Variants in DELE1 observed in about 807,000 individuals in gnomAD.
DELE1 encodes the protein death ligand signal enhancer.
A neutral mutation model predicts 59.3 loss-of-function variants in DELE1; 54 were observed. The observed-to-expected ratio is 0.91, with a 90% CI of 0.73 to 1.14. The LOEUF (loss-of-function observed/expected upper bound fraction) is 1.14. DELE1 is among the 50% of genes most tolerant of loss of function. The pLI is 0.00. For synonymous variants in DELE1, 264 were observed against 259.1 expected (o/e 1.02, Z -0.18); for missense variants, 636 against 643.9 (o/e 0.99, Z 0.13).
chr5:141,938,501 G>T lies in DELE1; in HGVS notation c.1310-20G>T, dbSNP rs752391554. ...AGAATATACAGCAAGAGTAAGAGTT[G>T]CTCTCACCTCTTCTTGTAGCCCCGG... On this transcript the variant is annotated intron_variant, in intron 11 of 11. Coordinates refer to ENST00000432126, the MANE Select transcript of DELE1 (RefSeq NM_014773.5). The T allele has an allele frequency of 1.9e-6, 3 of 1,611,126 alleles. No individual in the cohort carries two copies. Among genetic ancestry groups the T allele is most frequent in the Non-Finnish European group, 2.5e-6 (3 of 1,178,222 alleles).
At position 141,924,714 on chromosome 5, in the gene DELE1, A is replaced by C. The variant is rs1751230907; in HGVS notation, c.146+19A>C. On this transcript the variant is annotated intron_variant, in intron 2 of 11. Transcript: ENST00000432126. ...TCGACAGGTAAGATACTGCCATTTT[A>C]CCACTCATTTCCTCCCCTAGTCACC... 1 of 1,460,604 alleles carries C rather than the reference A, an allele frequency of 6.8e-7. No individual in the cohort carries two copies. The highest frequency in any genetic ancestry group is 2.3e-5 in the East Asian group (1 of 44,110). The allele number at this position is 1,460,604 out of a possible 1,614,324, so 90.5% of individuals were successfully genotyped here.
chr5:141,927,518 A>G (rs138171149), intron 3 of DELE1, among the ~76,000 whole-genome samples: 230 of 152,310 alleles, frequency 1.5e-3, no homozygotes, highest in African/African-American at 5.4e-3. Context: ...TAAGCATAAC[A>G]TAAGGAGAGA....
intron 3 of DELE1, among the ~76,000 whole-genome samples, chr5:141,926,776 A>G (rs1196291696): frequency 6.6e-6 from 1 of 152,244 alleles, no homozygotes; most frequent in Non-Finnish European, 1.5e-5. Context: ...GCATTTTCCC[A>G]TGTTGCCAAA....
intron 7 of DELE1, among the ~76,000 whole-genome samples, chr5:141,930,719 T>A (rs115593743): frequency 2.8e-4 from 43 of 152,316 alleles, no homozygotes; most frequent in African/African-American, 9.9e-4. Flanking sequence ...AACAGGCTCC[T>A]GGGGTTTGGA....
At chr5:141,936,347 C>G (rs1752351521) in intron 10 of DELE1, among the ~76,000 whole-genome samples, 2 of 152,210 alleles carry the variant, frequency 1.3e-5, no homozygotes, top group African/African-American at 4.8e-5. Context: ...CTACCTGATC[C>G]TGTTCCTCCC....
At position 141,923,923 on chromosome 5, in the gene DELE1, CTG is replaced by C. The variant is rs1561504043; in HGVS notation, c.-16_-15del. On this transcript the variant is annotated 5_prime_UTR_variant, in exon 1 of 12. Coordinates refer to ENST00000432126, the MANE Select transcript of DELE1 (RefSeq NM_014773.5). ...TCTCGCGCTTTCGGCTGCGAGCTCT[CTG>C]TGGTGCTGGCAGCGACATGTGGCGC... 4.4e-6 allele frequency: 7 copies of C among 1,602,112 alleles called. No individual in the cohort carries two copies. Among genetic ancestry groups the C allele is most frequent in the Non-Finnish European group, 6.0e-6 (7 of 1,174,776 alleles).
chr5:141,937,415 G>C, intron 11 of DELE1, 58 bp downstream of exon 11: 1 of 1,578,888 alleles, frequency 6.3e-7, no homozygotes, highest in East Asian at 2.2e-5. Flanking sequence ...CTCTGTGACA[G>C]ATAAGTAGGT....
chr5:141,940,411 G>T lies in DELE1; in HGVS notation c.*1652G>T. 2 of 967,012 alleles carry T rather than the reference G, an allele frequency of 2.1e-6. No individual in the cohort carries two copies. Among genetic ancestry groups the T allele is most frequent in the Non-Finnish European group, 2.4e-6 (2 of 826,812 alleles). 59.9% of individuals were successfully genotyped at this position (967,012 alleles called of 1,614,324 possible). ...ATAGCATAGATGTGGTTGAGAGTGG[G>T]GTCTGGGAGGGATAGAGAGCCCACC... On this transcript the variant is annotated 3_prime_UTR_variant, in exon 12 of 12. Coordinates refer to ENST00000432126, the MANE Select transcript of DELE1 (RefSeq NM_014773.5).
chr5:141,927,390 A>G (rs1751507990), intron 3 of DELE1, among the ~76,000 whole-genome samples: 1 of 152,090 alleles, frequency 6.6e-6, no homozygotes, highest in Non-Finnish European at 1.5e-5. Flanking sequence ...AGTGGAACAG[A>G]GTTTCTCCAT....
At chr5:141,928,661 G>A (rs535537549) in intron 4 of DELE1, among the ~76,000 whole-genome samples, 1 of 152,210 alleles carries the variant, frequency 6.6e-6, no homozygotes, top group Non-Finnish European at 1.5e-5. Flanking sequence ...GTGCCATGGT[G>A]CAGAAGCAAC....
At chr5:141,927,260 G>T (rs969809682) in intron 3 of DELE1, among the ~76,000 whole-genome samples, 1 of 152,136 alleles carries the variant, frequency 6.6e-6, no homozygotes, top group Non-Finnish European at 1.5e-5. Flanking sequence ...GAGCGCAGTG[G>T]TGCGATCCTG....
intron 2 of DELE1, among the ~76,000 whole-genome samples, chr5:141,925,086 C>G (rs549391192): frequency 6.6e-6 from 1 of 150,900 alleles, no homozygotes; most frequent in South Asian, 2.1e-4. Flanking sequence ...CACCATCACG[C>G]CTGGCTAATT....
chr5:141,929,744 T>C lies in DELE1; in HGVS notation c.571+4T>C, dbSNP rs1751742077. On this transcript the variant is annotated splice_donor_region_variant and intron_variant, in intron 5 of 11. Coordinates refer to ENST00000432126, the MANE Select transcript of DELE1 (RefSeq NM_014773.5). ...CCTCAGGACCCCTCTGAGGAAGGTA[T>C]GTCCCTGCCTCATGGAATCAGCAGA... 6.2e-7 allele frequency: 1 copy of C among 1,613,984 alleles called. No homozygotes were observed. Among genetic ancestry groups the C allele is most frequent in the Non-Finnish European group, 8.5e-7 (1 of 1,179,896 alleles).
At position 141,941,795 on chromosome 5, in the gene DELE1, A is replaced by G. The variant is rs1752753455; in HGVS notation, c.*3036A>G. On this transcript the variant is annotated 3_prime_UTR_variant, in exon 12 of 12. Coordinates refer to ENST00000432126, the MANE Select transcript of DELE1 (RefSeq NM_014773.5). ...TGTGGGGCACTCAGATGTTCAGTAA[A>G]TATACATTCAACAAATAAGTGAGTG... The G allele has an allele frequency of 2.1e-5, 21 of 985,362 alleles. No homozygotes were observed. Among genetic ancestry groups the G allele is most frequent in the Non-Finnish European group, 2.5e-5 (21 of 829,938 alleles). 61.0% of individuals were successfully genotyped at this position (985,362 alleles called of 1,614,324 possible).
chr5:141,936,446 T>A (rs1431877023), intron 10 of DELE1, among the ~76,000 whole-genome samples: 1 of 152,148 alleles, frequency 6.6e-6, no homozygotes, highest in Non-Finnish European at 1.5e-5. Flanking sequence ...TTTTGTTTTG[T>A]TTTTTTGAGA....
At chr5:141,933,478 A>T in intron 8 of DELE1, 77 bp downstream of exon 8, 1 of 1,192,794 alleles carries the variant, frequency 8.4e-7, no homozygotes, top group Non-Finnish European at 1.1e-6. Flanking sequence ...GTGGGCAGGG[A>T]TGGGGGAAAG....
At chr5:141,924,373 A>G (rs561320718) in intron 1 of DELE1, among the ~76,000 whole-genome samples, 17 of 152,360 alleles carry the variant, frequency 1.1e-4, no homozygotes, top group Middle Eastern at 3.4e-3. Context: ...CATCCACAGG[A>G]GACCAGCAGA....
chr5:141,928,075 G>A (rs979572432), intron 3 of DELE1, 76 bp from the exon 4 acceptor site: 5 of 1,503,714 alleles, frequency 3.3e-6, no homozygotes, highest in Non-Finnish European at 4.5e-6. Flanking sequence ...CTGAGGAAGT[G>A]ATGTTTGAGA....
chr5:141,933,705 A>C, intron 8 of DELE1: 1 of 176,370 alleles, frequency 5.7e-6, no homozygotes, highest in Non-Finnish European at 1.2e-5. Context: ...TATATATAAG[A>C]ATGTATTTCG....
Sources: allele counts gnomAD v4.1 joint callset (sites outside exome capture counted in the v4.1 genomes callset), GRCh38; gene constraint gnomAD v4.1.1; transcripts MANE v1.5; gene names NCBI Gene and HGNC (gene_info 2026-07-23, HGNC 2026-07-21).